The following FLT3 variants were observed in gnomAD, a reference collection of about 807,000 sequenced individuals.
The protein encoded by FLT3 is receptor-type tyrosine-protein kinase FLT3.
Under a neutral mutation model 126.6 loss-of-function variants are expected in FLT3, and 46 were observed. That is an observed-to-expected ratio of 0.36 (90% CI 0.29 to 0.46). The LOEUF is 0.46. Ranked by LOEUF, FLT3 falls within the 20% of genes least tolerant of loss-of-function variation. The probability of loss-of-function intolerance (pLI) is 1.00; values close to 1 mark genes in which losing one functional copy is unlikely to be tolerated. For missense variants in FLT3, 1,069 were observed against 1,190.3 expected (o/e 0.90, Z 1.50); for synonymous variants, 404 against 434.4 (o/e 0.93, Z 0.87).
intron 23 of FLT3, among the ~76,000 whole-genome samples, chr13:28,004,907 CT>C (rs1870747318): frequency 6.6e-6 from 1 of 152,162 alleles, no homozygotes; most frequent in African/African-American, 2.4e-5. Context: ...ATACAAGGGA[CT>C]GATTCTTGAG....
At chr13:28,012,467 A>C (rs569789821) in intron 23 of FLT3, among the ~76,000 whole-genome samples, 2 of 152,162 alleles carry the variant, frequency 1.3e-5, no homozygotes, top group African/African-American at 2.4e-5. Context: ...AGGCACAGCC[A>C]TCTACTTGCC....
At chr13:28,088,874 C>G (rs1362685660) in intron 1 of FLT3, among the ~76,000 whole-genome samples, 1 of 152,064 alleles carries the variant, frequency 6.6e-6, no homozygotes, top group Non-Finnish European at 1.5e-5. Flanking sequence ...GTGAGCTGCC[C>G]ACCCAGCCCA....
intron 1 of FLT3, among the ~76,000 whole-genome samples, chr13:28,073,658 G>A (rs1276277932): frequency 1.3e-5 from 2 of 152,060 alleles, no homozygotes; most frequent in Non-Finnish European, 2.9e-5. Context: ...TTTAAGGCTG[G>A]GCATGATGCT....
chr13:28,037,127 C>G, intron 10 of FLT3, 58 bp downstream of exon 10: 1 of 1,018,966 alleles, frequency 9.8e-7, no homozygotes, highest in South Asian at 1.3e-5. Context: ...CTAGTTAAGA[C>G]TAATAAAAAA....
chr13:28,091,378 C>G (rs370872831), intron 1 of FLT3, among the ~76,000 whole-genome samples: 3 of 149,266 alleles, frequency 2.0e-5, no homozygotes, highest in Non-Finnish European at 4.5e-5. Flanking sequence ...CCCGCCACCA[C>G]GCCCGGCTAA....
intron 2 of FLT3, among the ~76,000 whole-genome samples, chr13:28,063,506 GAT>G (rs1247571612): frequency 6.6e-6 from 1 of 152,142 alleles, no homozygotes; most frequent in Non-Finnish European, 1.5e-5. Context: ...AATTAATTAA[GAT>G]ATATTGACAG....
At chr13:28,045,545 A>C (rs1239247638) in intron 9 of FLT3, among the ~76,000 whole-genome samples, 1 of 151,846 alleles carries the variant, frequency 6.6e-6, no homozygotes, top group East Asian at 1.9e-4. Context: ...AGAGGGGCTG[A>C]CTCTCCAACC....
At chr13:28,015,328 C>T in intron 21 of FLT3, 72 bp from the exon 22 acceptor site, 1 of 1,040,702 alleles carries the variant, frequency 9.6e-7, no homozygotes, top group Non-Finnish European at 1.5e-6. Context: ...TTCAATTAAA[C>T]ACGTATTGAG....
intron 18 of FLT3, 33 bp from the exon 19 acceptor site, chr13:28,023,510 A>G (rs2137640239): frequency 6.2e-7 from 1 of 1,609,728 alleles, no homozygotes; most frequent in East Asian, 2.2e-5. Flanking sequence ...ACTTTTGCCA[A>G]AACTCTAAGA....
chr13:28,024,577 T>C (rs1305525931), intron 18 of FLT3, among the ~76,000 whole-genome samples: 1 of 152,254 alleles, frequency 6.6e-6, no homozygotes, highest in Non-Finnish European at 1.5e-5. Context: ...CCAAATTCTA[T>C]GTAACTTCGG....
At chr13:28,073,281 G>A (rs1428913281) in intron 1 of FLT3, 3 of 256,958 alleles carry the variant, frequency 1.2e-5, no homozygotes, top group Non-Finnish European at 2.3e-5. Flanking sequence ...ATGGGATGTT[G>A]AGGCTGCAGT....
At position 28,034,379 on chromosome 13, in the gene FLT3, G is replaced by C. The variant is rs144247060; in HGVS notation, c.1626C>G (p.Ile542Met). The change falls in exon 13 of 24, where the codon ATC (isoleucine) becomes ATG (methionine). Residue 542 changes from isoleucine to methionine, a missense_variant. Ile to Met is a conservative substitution (Grantham distance 10, BLOSUM62 1). Coordinates refer to ENST00000241453, the MANE Select transcript of FLT3 (RefSeq NM_004119.3). ...AAACACCAATTGTTGCATAGAATGA[G>C]ATGTTGTCTTGGATGAAAGGGAAGG... The part of the protein sequence containing the change: ...PGPFPFIQDN[I>M]SFYATIGVCL... The C allele has an allele frequency of 1.7e-4, 281 of 1,613,820 alleles. No individual in the cohort carries two copies. The highest frequency in any genetic ancestry group is 2.3e-4 in the Non-Finnish European group (271 of 1,179,818).
intron 2 of FLT3, among the ~76,000 whole-genome samples, chr13:28,064,588 G>A (rs1320374254): frequency 2.0e-5 from 3 of 151,956 alleles, no homozygotes; most frequent in Non-Finnish European, 4.4e-5. Flanking sequence ...AGAAAAAAAA[G>A]AATGGCCCTC....
chr13:28,080,097 C>T lies in FLT3; in HGVS notation c.44-9485G>A, dbSNP rs184382502. Reference sequence around the variant, plus strand: ...CCATCTAAAACACTGGGGATCTGGCCGGGCACGGTGGCTCATGCCTGTAAT... The same window carrying T: ...CCATCTAAAACACTGGGGATCTGGCTGGGCACGGTGGCTCATGCCTGTAAT... On this transcript the variant is annotated intron_variant, in intron 1 of 23. Coordinates refer to ENST00000241453, the MANE Select transcript of FLT3 (RefSeq NM_004119.3). Among the ~76,000 whole-genome samples the T allele has an allele frequency of 1.5e-4, 23 of 152,312 alleles. No individual in the cohort carries two copies. The East Asian group carries it at 1.7e-3, about 11-fold the overall frequency.
At chr13:28,035,022 G>A (rs571814704) in intron 12 of FLT3, among the ~76,000 whole-genome samples, 217 of 152,214 alleles carry the variant, frequency 1.4e-3, no homozygotes, top group African/African-American at 4.7e-3. Flanking sequence ...CTTTTATGAA[G>A]GTCGCACATG....
rs74579601 is a variant in FLT3 at position 28,081,670 on chromosome 13, G to A, written c.44-11058C>T. Among the ~76,000 whole-genome samples the A allele has an allele frequency of 8.6e-5, 13 of 151,880 alleles. No homozygotes were observed. In the East Asian group the frequency reaches 1.2e-3, roughly 14 times the overall value. ...AAAGAAGTGAAGAGTGGATATCCTC[G>A]CCTTGTTTCTGATCTTAGGGAAAAG... On this transcript the variant is annotated intron_variant, in intron 1 of 23. Coordinates refer to ENST00000241453, the MANE Select transcript of FLT3 (RefSeq NM_004119.3).
chr13:28,017,260 T>C (rs1270735363), intron 20 of FLT3, among the ~76,000 whole-genome samples: 1 of 152,186 alleles, frequency 6.6e-6, no homozygotes, highest in African/African-American at 2.4e-5. Flanking sequence ...TCTCATTCTG[T>C]TGCCCAGGCT....
In FLT3 at chr13:28,048,328, G is replaced by A. The variant is rs750090924; in HGVS notation, c.1152C>T (p.Thr384=). ...CACAAGGAAATGATTTTCGAGAGAA[G>A]GTCCACGTACATCTGATTTGTGGGT... ...KAYPQIRCTW[T]FSRKSFPCEQ... The change falls in exon 9 of 24, where the codon ACC becomes ACT. Residue 384 remains threonine (T), a synonymous_variant. Coordinates refer to ENST00000241453, the MANE Select transcript of FLT3 (RefSeq NM_004119.3). 9 of 1,613,846 alleles carry A rather than the reference G, an allele frequency of 5.6e-6. No homozygotes were observed.
At chr13:28,070,739 T>C (rs955883674) in intron 1 of FLT3, 127 bp from the exon 2 acceptor site, 10 of 677,100 alleles carry the variant, frequency 1.5e-5, no homozygotes, top group Non-Finnish European at 2.4e-5. Flanking sequence ...TGAAAGTATG[T>C]AGGAAATTTG....
Sources: allele counts gnomAD v4.1 joint callset (sites outside exome capture counted in the v4.1 genomes callset), GRCh38; gene constraint gnomAD v4.1.1; transcripts MANE v1.5; gene names NCBI Gene and HGNC (gene_info 2026-07-23, HGNC 2026-07-21).